Variants in NRG2 observed in about 807,000 individuals in gnomAD.
NRG2 encodes the protein pro-neuregulin-2, membrane-bound isoform.
Under a neutral mutation model 73.9 loss-of-function variants are expected in NRG2, and 27 were observed. That is an observed-to-expected ratio of 0.37 (90% CI 0.27 to 0.50). The LOEUF (loss-of-function observed/expected upper bound fraction) is 0.50. NRG2 is among the 20% of genes least tolerant of loss of function. NRG2 has a pLI of 0.96. For synonymous variants in NRG2, 532 were observed against 541.0 expected, an observed-to-expected ratio of 0.98 and a Z score of 0.23; for missense variants, 1,126 against 1,210.1, an observed-to-expected ratio of 0.93 and a Z score of 1.03.
At chr5:139,977,176 A>G (rs1756439282) in intron 1 of NRG2, among the ~76,000 whole-genome samples, 1 of 152,244 alleles carries the variant, frequency 6.6e-6, no homozygotes, top group Non-Finnish European at 1.5e-5. Context: ...TGTTAATACT[A>G]TAGAACACTG....
chr5:140,027,505 GT>G, intron 1 of NRG2, among the ~76,000 whole-genome samples: 1 of 152,242 alleles, frequency 6.6e-6, no homozygotes, highest in Admixed American at 6.5e-5. Flanking sequence ...GTATATAGTA[GT>G]CCCCCCTTAT....
intron 1 of NRG2, among the ~76,000 whole-genome samples, chr5:140,015,964 A>T (rs920841289): frequency 2.0e-5 from 3 of 152,180 alleles, no homozygotes; most frequent in African/African-American, 7.2e-5. Context: ...AAGGCGCCAC[A>T]TCTCAATAGG....
intron 1 of NRG2, among the ~76,000 whole-genome samples, chr5:139,938,123 A>G (rs969685606): frequency 1.3e-5 from 2 of 152,220 alleles, no homozygotes; most frequent in Non-Finnish European, 2.9e-5. Flanking sequence ...GGTGAGAAAA[A>G]GTAAGATCTA....
chr5:139,925,741 T>TGGGC (rs1752004867), intron 1 of NRG2, among the ~76,000 whole-genome samples: 1 of 152,204 alleles, frequency 6.6e-6, no homozygotes, highest in Non-Finnish European at 1.5e-5. Context: ...CCACGGGCAG[T>TGGGC]AGCCTGCAGC....
intron 1 of NRG2, among the ~76,000 whole-genome samples, chr5:139,998,210 C>G (rs1758173845): frequency 6.6e-6 from 1 of 152,152 alleles, no homozygotes; most frequent in South Asian, 2.1e-4. Flanking sequence ...CTTGGGTAAA[C>G]CACTTAACTT....
At chr5:139,960,142 C>T (rs1754948517) in intron 1 of NRG2, among the ~76,000 whole-genome samples, 1 of 152,198 alleles carries the variant, frequency 6.6e-6, no homozygotes, top group Non-Finnish European at 1.5e-5. Flanking sequence ...CTCTTCAGAG[C>T]TGAGGTTGGG....
At chr5:139,860,383 T>G (rs1762078693) in intron 5 of NRG2, among the ~76,000 whole-genome samples, 1 of 151,920 alleles carries the variant, frequency 6.6e-6, no homozygotes, top group South Asian at 2.1e-4. Context: ...TTTTTTTTTT[T>G]TGTTCAGAGT....
chr5:139,999,947 T>G lies in NRG2; in HGVS notation c.700+42423A>C, dbSNP rs187710906. ...ACAAGCAGGAAGAAACATCAAACTATTAGCCAGAGCTCTCGCTAAGTGATG... is the reference window on the plus strand; with the variant it reads ...ACAAGCAGGAAGAAACATCAAACTAGTAGCCAGAGCTCTCGCTAAGTGATG... On this transcript the variant is annotated intron_variant, in intron 1 of 9. Coordinates refer to ENST00000361474, the MANE Select transcript of NRG2 (RefSeq NM_004883.3). 1.1e-4 allele frequency among the ~76,000 whole-genome samples: 16 copies of G among 152,318 alleles called. No homozygotes were observed. In the East Asian group the frequency reaches 2.3e-3, roughly 22 times the overall value.
intron 1 of NRG2, among the ~76,000 whole-genome samples, chr5:139,896,445 A>G (rs1764547132): frequency 1.3e-5 from 2 of 152,076 alleles, no homozygotes; most frequent in South Asian, 4.2e-4. Context: ...TGCAAGCATG[A>G]AAGTCCCAGC....
At chr5:139,929,163 C>T (rs1017281157) in intron 1 of NRG2, among the ~76,000 whole-genome samples, 11 of 152,210 alleles carry the variant, frequency 7.2e-5, no homozygotes, top group African/African-American at 2.2e-4. Flanking sequence ...CAAGGCACTC[C>T]GTCTTGTGTC....
chr5:140,040,551 T>C lies in NRG2; in HGVS notation c.700+1819A>G, dbSNP rs530638884. 1.6e-3 allele frequency among the ~76,000 whole-genome samples: 244 copies of C among 152,278 alleles called. 1 individual carries two copies. The highest frequency in any genetic ancestry group is 5.6e-3 in the African/African-American group (234 of 41,554). On this transcript the variant is annotated intron_variant, in intron 1 of 9. Coordinates refer to ENST00000361474, the MANE Select transcript of NRG2 (RefSeq NM_004883.3). ...GGGAGCAGAGAAGCCAGTTACTCTA[T>C]GGGGTTATCTGACAAAGACCATCAA...
intron 1 of NRG2, among the ~76,000 whole-genome samples, chr5:140,002,462 G>C (rs774361145): frequency 3.9e-5 from 6 of 152,170 alleles, no homozygotes; most frequent in Non-Finnish European, 7.3e-5. Context: ...GTAAGGAAAT[G>C]AGCCACACGG....
chr5:140,023,121 A>G (rs1040392754), intron 1 of NRG2, among the ~76,000 whole-genome samples: 2 of 152,176 alleles, frequency 1.3e-5, no homozygotes, highest in Non-Finnish European at 2.9e-5. Flanking sequence ...AGTATTTGCA[A>G]ACATTCCTCT....
intron 1 of NRG2, among the ~76,000 whole-genome samples, chr5:139,981,940 C>T (rs1402598432): frequency 1.3e-5 from 2 of 152,170 alleles, no homozygotes; most frequent in African/African-American, 4.8e-5. Context: ...ACAGTGGTCT[C>T]TAGGGGTGGC....
intron 1 of NRG2, among the ~76,000 whole-genome samples, chr5:139,906,764 C>T (rs1765258208): frequency 1.3e-5 from 2 of 152,110 alleles, no homozygotes; most frequent in Admixed American, 6.5e-5. Context: ...ATTCAACAAA[C>T]CTTTATATAT....
chr5:139,999,514 GC>G (rs1758273335), intron 1 of NRG2, among the ~76,000 whole-genome samples: 1 of 152,166 alleles, frequency 6.6e-6, no homozygotes, highest in Non-Finnish European at 1.5e-5. Flanking sequence ...GGCCTGCATT[GC>G]CCTATCCAGC....
intron 1 of NRG2, among the ~76,000 whole-genome samples, chr5:139,957,532 C>T (rs920139365): frequency 1.3e-5 from 2 of 152,150 alleles, no homozygotes; most frequent in Non-Finnish European, 2.9e-5. Context: ...TAGACTAGAT[C>T]TCAGGCACTG....
intron 1 of NRG2, among the ~76,000 whole-genome samples, chr5:139,987,892 A>G (rs1757293189): frequency 6.7e-6 from 1 of 149,916 alleles, no homozygotes; most frequent in African/African-American, 2.5e-5. Flanking sequence ...CTCCTGCCTC[A>G]GCCTCCCGAG....
At chr5:139,980,590 T>C (rs888894328) in intron 1 of NRG2, among the ~76,000 whole-genome samples, 2 of 152,118 alleles carry the variant, frequency 1.3e-5, no homozygotes, top group African/African-American at 4.8e-5. Flanking sequence ...GAAAATACCT[T>C]CCAAGAAGAG....
Sources: gnomAD v4.1 joint callset for allele counts (sites outside exome capture counted in the v4.1 genomes callset) on GRCh38, gnomAD v4.1.1 for gene constraint, MANE v1.5 for transcripts, NCBI Gene and HGNC (gene_info 2026-07-23, HGNC 2026-07-21) for gene names.